The following SERPINB3 variants were observed in gnomAD, a reference collection of about 807,000 sequenced individuals.
SERPINB3 encodes serpin family B member 3.
Under a neutral mutation model 33.0 loss-of-function variants are expected in SERPINB3, and 33 were observed. That is an observed-to-expected ratio of 1.00 (90% confidence interval 0.76 to 1.34). The LOEUF is 1.34. Ranked by LOEUF, SERPINB3 falls within the 40% of genes most tolerant of loss-of-function variation. The probability of loss-of-function intolerance (pLI) is 0.00; values close to 1 mark genes in which losing one functional copy is unlikely to be tolerated. For missense variants in SERPINB3, 518 were observed against 461.5 expected (o/e 1.12, Z -1.12); for synonymous variants, 200 against 170.9 (o/e 1.17, Z -1.33).
Position 63,655,210 on chromosome 18 carries a change from C to T in SERPINB3, c.*447G>A, listed in dbSNP as rs601777. ...GTAAAGCAAAAATGATTTTATGTCA[C>T]TATTTTATTGATGATGTGTTTTATA... On this transcript the variant is annotated 3_prime_UTR_variant, in exon 8 of 8. Transcript: ENST00000283752. 17 of 153,670 alleles carry T rather than the reference C, an allele frequency of 1.1e-4. No homozygotes were observed. The highest frequency in any genetic ancestry group is 1.7e-4 in the Non-Finnish European group (12 of 69,170). 9.5% of individuals were successfully genotyped at this position (153,670 alleles called of 1,614,324 possible).
In SERPINB3 at chr18:63,656,159, C is replaced by T. The variant is rs13381581; in HGVS notation, c.769-98G>A. ...ATGTGGAGAATCCTTATTTTGGCAA[C>T]AAATGTGAAATACAGAAGGTTCACT... is the stretch of plus-strand genomic sequence containing the variant. On this transcript the variant is annotated intron_variant, in intron 7 of 7. Transcript: ENST00000283752. The T allele has an allele frequency of 5.6e-4, 784 of 1,399,158 alleles. 8 individuals carry two copies. In the African/African-American group the frequency reaches 9.9e-3, roughly 18 times the overall value. The allele number at this position is 1,399,158 out of a possible 1,614,324, so 86.7% of individuals were successfully genotyped here.
Position 63,655,245 on chromosome 18 carries a change from A to C in SERPINB3, c.*412T>G, listed in dbSNP as rs563559451. 3.8e-5 allele frequency: 6 copies of C among 157,388 alleles called. No individual in the cohort carries two copies. The highest frequency in any genetic ancestry group is 1.4e-4 in the African/African-American group (6 of 41,688). 9.7% of individuals were successfully genotyped at this position (157,388 alleles called of 1,614,324 possible). A position where few individuals can be genotyped will look rare whatever the true frequency, so the allele number is the denominator to read the frequency against. The stretch of plus-strand genomic sequence containing the variant: ...GATGATGTGTTTTATAGAATCACAA[A>C]ATTTAGAAACATAAGAAGGATTTAG... On this transcript the variant is annotated 3_prime_UTR_variant, in exon 8 of 8. Coordinates refer to ENST00000283752, the MANE Select transcript of SERPINB3 (RefSeq NM_006919.3).
Position 63,660,825 on chromosome 18 carries a change from G to A in SERPINB3, c.197C>T (p.Thr66Ile), listed in dbSNP as rs780673077. The A allele has an allele frequency of 6.2e-7, 1 of 1,613,316 alleles. No individual in the cohort carries two copies. Among genetic ancestry groups the A allele is most frequent in the South Asian group, 1.1e-5 (1 of 91,046 alleles). Residue 66 changes from threonine (T) to isoleucine (I), a missense_variant, in exon 3 of 8, where the codon ACC (threonine) becomes ATC (isoleucine). Coordinates refer to ENST00000283752, the MANE Select transcript of SERPINB3 (RefSeq NM_006919.3). ...ATGATATGTTGCAGCTTTTCCTGTG[G>A]TGTTCTCTGTGACTTGATCAAAGTG... ...VLHFDQVTEN[T>I]TGKAATYHVD...
At chr18:63,656,124 T>C in intron 7 of SERPINB3, 63 bp from the exon 8 acceptor site, 1 of 1,543,494 alleles carries the variant, frequency 6.5e-7, no homozygotes, top group South Asian at 1.2e-5. Context: ...ACCTTAACAA[T>C]GAATTGACTA....
chr18:63,660,880 A>C (rs1319931051), intron 2 of SERPINB3, 24 bp from the exon 3 acceptor site: 1 of 1,613,236 alleles, frequency 6.2e-7, no homozygotes, highest in East Asian at 2.2e-5. Context: ...GAAGCGGGAC[A>C]AGAAAACTTT....
Position 63,655,223 on chromosome 18 carries a change from G to A in SERPINB3, c.*434C>T, listed in dbSNP as rs1017208235. 2 of 154,504 alleles carry A rather than the reference G, an allele frequency of 1.3e-5. No individual in the cohort carries two copies. Among genetic ancestry groups the A allele is most frequent in the African/African-American group, 4.8e-5 (2 of 41,454 alleles). The allele number at this position is 154,504 out of a possible 1,614,324, so 9.6% of individuals were successfully genotyped here. ...GATTTTATGTCACTATTTTATTGAT[G>A]ATGTGTTTTATAGAATCACAAAATT... On this transcript the variant is annotated 3_prime_UTR_variant, in exon 8 of 8. Coordinates refer to ENST00000283752, the MANE Select transcript of SERPINB3 (RefSeq NM_006919.3).
rs759286115 is a variant in SERPINB3, at chr18:63,656,005, C to A, written c.825G>T (p.Met275Ile). ...AGTGTAAATCGACACGTGTCTCTCT[C>A]ATATTCTGCAAACTTGTCCATTCCA... The part of the protein sequence containing the change: ...KLMEWTSLQN[M>I]RETRVDLHLP... The change falls in exon 8 of 8, where the codon ATG becomes ATT. Residue 275 changes from methionine to isoleucine, a missense_variant. Met to Ile is a conservative substitution (Grantham distance 10). Coordinates refer to ENST00000283752, the MANE Select transcript of SERPINB3 (RefSeq NM_006919.3). 1.0e-4 allele frequency: 168 copies of A among 1,613,828 alleles called. 1 individual carries two copies. Among genetic ancestry groups the A allele is most frequent in the Non-Finnish European group, 1.4e-4 (163 of 1,179,936 alleles).
intron 3 of SERPINB3, 58 bp from the exon 4 acceptor site, chr18:63,659,585 C>A: frequency 6.2e-7 from 1 of 1,609,720 alleles, no homozygotes; most frequent in South Asian, 1.1e-5. Flanking sequence ...ATACTAAACC[C>A]ATGCTAAGTC....
intron 4 of SERPINB3, chr18:63,659,173 C>A (rs1412284030): frequency 3.5e-6 from 2 of 573,270 alleles, no homozygotes; most frequent in Non-Finnish European, 6.2e-6. Flanking sequence ...TACCCAACCT[C>A]CTCTTTTATT....
intron 3 of SERPINB3, 140 bp from the exon 4 acceptor site, chr18:63,659,667 T>A: frequency 8.5e-7 from 1 of 1,176,038 alleles, no homozygotes; most frequent in Non-Finnish European, 1.2e-6. Flanking sequence ...ACTTGGTGTA[T>A]TTCACCTCAA....
chr18:63,657,035 A>T, intron 6 of SERPINB3, 49 bp from the exon 7 acceptor site: 1 of 1,490,728 alleles, frequency 6.7e-7, no homozygotes, highest in Non-Finnish European at 9.2e-7. Flanking sequence ...ACACAAGGCA[A>T]AAAGATAATA....
intron 5 of SERPINB3, among the ~76,000 whole-genome samples, chr18:63,658,295 G>A (rs544963818): frequency 2.6e-5 from 4 of 152,078 alleles, no homozygotes; most frequent in Non-Finnish European, 5.9e-5. Flanking sequence ...GAATCCTCCG[G>A]CTATGTTTTC....
At chr18:63,656,763 G>T (rs1328124244) in intron 7 of SERPINB3, 68 bp downstream of exon 7, 2 of 1,510,128 alleles carry the variant, frequency 1.3e-6, no homozygotes, top group East Asian at 4.6e-5. Flanking sequence ...CTTTTACCTT[G>T]TTTAAACTTG....
Position 63,655,548 on chromosome 18 carries a change from T to C in SERPINB3, c.*109A>G. ...TTGATGATGACGATCATCATCAAGA[T>C]GAGAAAGAAAAGAAATATGAGCCAA... On this transcript the variant is annotated 3_prime_UTR_variant, in exon 8 of 8. Transcript: ENST00000283752. The C allele has an allele frequency of 1.7e-6, 2 of 1,185,094 alleles. No individual in the cohort carries two copies. Among genetic ancestry groups the C allele is most frequent in the Middle Eastern group, 2.3e-4 (1 of 4,430 alleles). The allele number at this position is 1,185,094 out of a possible 1,614,324, so 73.4% of individuals were successfully genotyped here.
chr18:63,655,848 C>G lies in SERPINB3; in HGVS notation c.982G>C (p.Val328Leu), dbSNP rs1303191287. 6.2e-7 allele frequency: 1 copy of G among 1,613,990 alleles called. No homozygotes were observed. The highest frequency in any genetic ancestry group is 1.1e-5 in the South Asian group (1 of 91,078). ...TGSRGLVLSG[V>L]LHKAFVEVTE... Reference sequence around the variant, plus strand: ...ACCTCCACAAAGGCCTTGTGTAGGACTCCAGATAGCACGAGACCGCGGCTC... The same window carrying G: ...ACCTCCACAAAGGCCTTGTGTAGGAGTCCAGATAGCACGAGACCGCGGCTC... The change falls in exon 8 of 8, where the codon GTC becomes CTC. Residue 328 changes from valine to leucine, a missense_variant. Coordinates refer to ENST00000283752, the MANE Select transcript of SERPINB3 (RefSeq NM_006919.3).
chr18:63,655,522 C>A lies in SERPINB3; in HGVS notation c.*135G>T, dbSNP rs572212431. 8 of 927,992 alleles carry A rather than the reference C, an allele frequency of 8.6e-6. No individual in the cohort carries two copies. The highest frequency in any genetic ancestry group is 6.3e-4 in the Middle Eastern group (2 of 3,196). The allele number at this position is 927,992 out of a possible 1,614,324, so 57.5% of individuals were successfully genotyped here. A position where few individuals can be genotyped will look rare whatever the true frequency, so the allele number is the denominator to read the frequency against. ...GGCATGCTATTTTAATCATTAAATT[C>A]TTGATGATGACGATCATCATCAAGA... On this transcript the variant is annotated 3_prime_UTR_variant, in exon 8 of 8. Transcript: ENST00000283752.
intron 3 of SERPINB3, 196 bp downstream of exon 3, chr18:63,660,604 C>G: frequency 1.5e-6 from 1 of 671,394 alleles, no homozygotes; most frequent in East Asian, 2.8e-5. Flanking sequence ...AGGTACAGTG[C>G]TGACTGTCTT....
chr18:63,661,792 A>G (rs1468174521), intron 1 of SERPINB3, 54 bp downstream of exon 1: 1 of 152,572 alleles, frequency 6.6e-6, no homozygotes, highest in East Asian at 1.9e-4. Flanking sequence ...CAGTATCATT[A>G]TTATTCTCAA....
At position 63,659,193 on chromosome 18, in the gene SERPINB3, TCC is replaced by T. The variant is rs1443319825; in HGVS notation, c.351+204_351+205del. 1.3e-5 allele frequency: 8 copies of T among 603,020 alleles called. No individual in the cohort carries two copies. In the Admixed American group the frequency reaches 2.4e-4, roughly 18 times the overall value. The allele number at this position is 603,020 out of a possible 1,614,324, so 37.4% of individuals were successfully genotyped here. ...AACCTCCTCTTTTATTACAAGATTA[TCC>T]CTAAATCCACACTTCAGTGATGTAT... is the stretch of plus-strand genomic sequence containing the variant. On this transcript the variant is annotated intron_variant, in intron 4 of 7. Coordinates refer to ENST00000283752, the MANE Select transcript of SERPINB3 (RefSeq NM_006919.3).
Sources: gnomAD v4.1 joint callset for allele counts (sites outside exome capture counted in the v4.1 genomes callset) on GRCh38, gnomAD v4.1.1 for gene constraint, MANE v1.5 for transcripts, NCBI Gene and HGNC (gene_info 2026-07-23, HGNC 2026-07-21) for gene names.